Variants in C4orf51 observed in about 807,000 individuals in gnomAD.
C4orf51 encodes chromosome 4 open reading frame 51, also known as uncharacterized protein C4orf51.
Under a neutral mutation model 25.2 loss-of-function variants are expected in C4orf51, and 25 were observed. The ratio of observed to expected loss-of-function variants is 0.99; its 90% CI spans 0.72 to 1.39. C4orf51 has a LOEUF of 1.39. Among genes scored for constraint, C4orf51 ranks in the 40% most tolerant of loss-of-function variants. The probability of loss-of-function intolerance (pLI) is 0.00; values close to 1 mark genes in which losing one functional copy is unlikely to be tolerated. For missense variants in C4orf51, 252 were observed against 239.6 expected, an observed-to-expected ratio of 1.05 and a Z score of -0.34; for synonymous variants, 100 against 84.5, an observed-to-expected ratio of 1.18 and a Z score of -1.01.
chr4:145,774,665 C>A (rs1269821412), downstream of C4orf51: 1 of 1,613,274 alleles, frequency 6.2e-7, no homozygotes, highest in Admixed American at 1.7e-5. Context: ...AATCCACACA[C>A]GTGACAACTA....
downstream of C4orf51, among the ~76,000 whole-genome samples, chr4:145,736,292 G>T (rs1732799460): frequency 6.6e-6 from 1 of 151,698 alleles, no homozygotes; most frequent in Non-Finnish European, 1.5e-5. Context: ...CAGGTGACGA[G>T]CACAGCCCTG....
intron 1 of C4orf51, among the ~76,000 whole-genome samples, chr4:145,752,815 A>G (rs920231411): frequency 6.6e-6 from 1 of 152,170 alleles, no homozygotes; most frequent in Non-Finnish European, 1.5e-5. Context: ...TCAAGTTCCG[A>G]CCACTTGGAT....
At chr4:145,716,887 C>T (rs775347040) in intron 2 of C4orf51, among the ~76,000 whole-genome samples, 11 of 152,116 alleles carry the variant, frequency 7.2e-5, no homozygotes, top group Non-Finnish European at 1.3e-4. Flanking sequence ...GACAGCTAAC[C>T]GTGTGTGCTA....
Position 145,763,075 on chromosome 4 carries a change from C to T in C4orf51, n.167-7913C>T. 6.5e-7 allele frequency: 1 copy of T among 1,535,688 alleles called. No individual in the cohort carries two copies. The highest frequency in any genetic ancestry group is 8.7e-7 in the Non-Finnish European group (1 of 1,146,678). On this transcript the variant is annotated intron_variant and non_coding_transcript_variant, in intron 1 of 1. Coordinates refer to the C4orf51 transcript ENST00000510096. This position sits in a 1 kb window ranked among gnomAD's most constrained non-coding sequence, Gnocchi z 4.6. Reference sequence around the variant, plus strand: ...TCAGGTGCACACACAACCCCTACGCCAAGCTGGGCCTTACCTAGAGGAGTC... The same window carrying T: ...TCAGGTGCACACACAACCCCTACGCTAAGCTGGGCCTTACCTAGAGGAGTC...
At chr4:145,689,039 C>T (rs1229333913) in intron 1 of C4orf51, among the ~76,000 whole-genome samples, 1 of 151,996 alleles carries the variant, frequency 6.6e-6, no homozygotes, top group Non-Finnish European at 1.5e-5. Flanking sequence ...CAGAAACAGA[C>T]CCATGCATAT....
At chr4:145,771,376 C>T (rs554014920), downstream of C4orf51, among the ~76,000 whole-genome samples, 1 of 152,268 alleles carries the variant, frequency 6.6e-6, no homozygotes, top group South Asian at 2.1e-4. Context: ...TTTTCTAGGG[C>T]TGATTTGTTA....
intron 1 of C4orf51, among the ~76,000 whole-genome samples, chr4:145,687,322 A>G (rs920791440): frequency 1.6e-4 from 24 of 152,114 alleles, no homozygotes; most frequent in Non-Finnish European, 2.5e-4. Context: ...TACTTCTTAT[A>G]TATATTGATT....
At chr4:145,750,099 T>C (rs1474156177) in intron 1 of C4orf51, among the ~76,000 whole-genome samples, 2 of 152,224 alleles carry the variant, frequency 1.3e-5, no homozygotes, top group Non-Finnish European at 2.9e-5. Flanking sequence ...TGAAAAGTTG[T>C]TGTAGTTATT....
intron 2 of C4orf51, among the ~76,000 whole-genome samples, chr4:145,699,875 C>T (rs1730314019): frequency 6.6e-6 from 1 of 151,412 alleles, no homozygotes; most frequent in African/African-American, 2.4e-5. Flanking sequence ...GGGGGAGGGG[C>T]AAGTACCCCT....
At chr4:145,716,526 A>G (rs1344167057) in intron 2 of C4orf51, among the ~76,000 whole-genome samples, 4 of 152,228 alleles carry the variant, frequency 2.6e-5, no homozygotes, top group Non-Finnish European at 4.4e-5. Flanking sequence ...AAGAGAACAC[A>G]ATAGATTATT....
At chr4:145,787,718 T>G in the C4orf51 span, among the ~76,000 whole-genome samples, 1 of 152,262 alleles carries the variant, frequency 6.6e-6, no homozygotes, top group East Asian at 1.9e-4. Flanking sequence ...ACCCATCTGA[T>G]AGAATTCAGG....
chr4:145,767,548 C>T (rs1284323951), intron 1 of C4orf51, among the ~76,000 whole-genome samples: 1 of 151,910 alleles, frequency 6.6e-6, no homozygotes, highest in African/African-American at 2.4e-5. Flanking sequence ...CACGAAGAAA[C>T]CTATACAAAA....
At chr4:145,753,511 T>A (rs1404968301) in intron 1 of C4orf51, among the ~76,000 whole-genome samples, 1 of 152,194 alleles carries the variant, frequency 6.6e-6, no homozygotes, top group Non-Finnish European at 1.5e-5. Flanking sequence ...AAAACCCCTA[T>A]GCTGAATATT....
chr4:145,779,278 C>G, the C4orf51 span: 10 of 1,463,362 alleles, frequency 6.8e-6, no homozygotes, highest in South Asian at 1.3e-4. Flanking sequence ...CCCAGCACTT[C>G]CTGTAATGCC....
chr4:145,717,112 A>T (rs1731460853), intron 2 of C4orf51, among the ~76,000 whole-genome samples: 1 of 151,980 alleles, frequency 6.6e-6, no homozygotes, highest in Non-Finnish European at 1.5e-5. Context: ...GCCCTTCAGA[A>T]TTCTGATTAA....
At chr4:145,705,470 C>T (rs1730748527) in intron 2 of C4orf51, among the ~76,000 whole-genome samples, 2 of 152,152 alleles carry the variant, frequency 1.3e-5, no homozygotes, top group African/African-American at 4.8e-5. Context: ...AACATTTTCC[C>T]CCTCAAGAGT....
Position 145,761,640 on chromosome 4 carries a change from T to C in C4orf51, n.167-9348T>C. ...CGCAAGGGAGGTTCAGCCGGGAAGG[T>C]TCGGAGGCAGCCGCGCTTCTCGCCG... On this transcript the variant is annotated intron_variant and non_coding_transcript_variant, in intron 1 of 1. Coordinates refer to the C4orf51 transcript ENST00000510096. This position sits in a 1 kb window ranked among gnomAD's most constrained non-coding sequence, Gnocchi z 6.8. The C allele has an allele frequency of 8.5e-7, 1 of 1,174,216 alleles. No individual in the cohort carries two copies. Among genetic ancestry groups the C allele is most frequent in the Non-Finnish European group, 1.1e-6 (1 of 906,788 alleles). 72.7% of individuals were successfully genotyped at this position (1,174,216 alleles called of 1,614,324 possible).
rs1735063422 is a variant in C4orf51 at position 145,764,965 on chromosome 4, G to T, written n.167-6023G>T. 9.9e-6 allele frequency: 16 copies of T among 1,609,746 alleles called. No individual in the cohort carries two copies. In the East Asian group the frequency reaches 3.6e-4, roughly 36 times the overall value. On this transcript the variant is annotated intron_variant and non_coding_transcript_variant, in intron 1 of 1. Coordinates refer to the C4orf51 transcript ENST00000510096. ...GGTATTTAATAACAACGCAGTAAAAGGTTCTGTACTTGCTTTCCTTACTTG... is the reference window on the plus strand; with the variant it reads ...GGTATTTAATAACAACGCAGTAAAATGTTCTGTACTTGCTTTCCTTACTTG...
At chr4:145,695,875 G>A (rs923044748) in intron 1 of C4orf51, among the ~76,000 whole-genome samples, 6 of 152,194 alleles carry the variant, frequency 3.9e-5, no homozygotes, top group African/African-American at 1.4e-4. Flanking sequence ...CATTGATGGA[G>A]CTGGTGGCCA....
Sources: allele counts gnomAD v4.1 joint callset (sites outside exome capture counted in the v4.1 genomes callset), GRCh38; gene constraint gnomAD v4.1.1; non-coding constraint Gnocchi (gnomAD v3.1); transcripts MANE v1.5; gene names NCBI Gene and HGNC (gene_info 2026-07-23, HGNC 2026-07-21).